HIVEP3: variants seen among roughly 807,000 people sequenced by gnomAD.
HIVEP3 encodes the protein HIVEP zinc finger 3.
In HIVEP3, 49 loss-of-function variants were observed where a neutral mutation model predicts 152.8. That is an observed-to-expected ratio of 0.32 (90% confidence interval 0.26 to 0.41). The LOEUF (loss-of-function observed/expected upper bound fraction) is 0.41, where lower values mean the gene tolerates loss of function less well. Among genes scored for constraint, HIVEP3 ranks in the 10% least tolerant of loss-of-function variants. HIVEP3 has a pLI of 1.00. For missense variants in HIVEP3, 2,790 were observed against 3,103.3 expected (o/e 0.90, Z 2.40); for synonymous variants, 1,269 against 1,289.0 (o/e 0.98, Z 0.33).
chr1:41,745,635 G>A (rs944939578), intron 1 of HIVEP3, among the ~76,000 whole-genome samples: 7 of 152,186 alleles, frequency 4.6e-5, no homozygotes, highest in Non-Finnish European at 8.8e-5. Context: ...GTCTTTCCTC[G>A]ACAGAGGGAG....
At position 41,585,249 on chromosome 1, in the gene HIVEP3, G is replaced by C. The variant is rs1281073044; in HGVS notation, c.-452C>G. ...CAAGAGATGCCACGCTGGATGCTGG[G>C]GGTGGCTCTTCTCCCCTTTAGTTCT... On this transcript the variant is annotated 5_prime_UTR_variant, in exon 4 of 9. Coordinates refer to ENST00000372583, the MANE Select transcript of HIVEP3 (RefSeq NM_024503.5). 2.5e-6 allele frequency: 1 copy of C among 399,154 alleles called. No individual in the cohort carries two copies. The highest frequency in any genetic ancestry group is 4.4e-6 in the Non-Finnish European group (1 of 226,214). The allele number at this position is 399,154 out of a possible 1,614,324, so 24.7% of individuals were successfully genotyped here. A position where few individuals can be genotyped will look rare whatever the true frequency, so the allele number is the denominator to read the frequency against.
intron 1 of HIVEP3, among the ~76,000 whole-genome samples, chr1:41,959,499 C>T (rs892978686): frequency 1.3e-5 from 2 of 152,200 alleles, no homozygotes; most frequent in Non-Finnish European, 2.9e-5. Flanking sequence ...CTGCTACTTA[C>T]CACACCATCC....
At position 41,662,294 on chromosome 1, in the gene HIVEP3, G is replaced by T. The variant is rs1194932424; in HGVS notation, c.-720-33347C>A. 1.4e-5 allele frequency: 2 copies of T among 145,456 alleles called. No homozygotes were observed. Among genetic ancestry groups the T allele is most frequent in the South Asian group, 2.1e-4 (1 of 4,796 alleles). The allele number at this position is 145,456 out of a possible 1,614,324, so 9.0% of individuals were successfully genotyped here. Reference sequence around the variant, plus strand: ...GGCGGTGCCCCAGGCGCTCGCTGGCGGCCCACGCGGCGCGGGGTGGGCGCG... The same window carrying T: ...GGCGGTGCCCCAGGCGCTCGCTGGCTGCCCACGCGGCGCGGGGTGGGCGCG... On this transcript the variant is annotated intron_variant, in intron 2 of 8. Coordinates refer to ENST00000372583, the MANE Select transcript of HIVEP3 (RefSeq NM_024503.5). This position sits in a 1 kb window ranked among gnomAD's most constrained non-coding sequence, Gnocchi z 7.2.
chr1:41,642,237 C>T lies in HIVEP3; in HGVS notation c.-720-13290G>A, dbSNP rs182818815. On this transcript the variant is annotated intron_variant, in intron 2 of 8. Coordinates refer to ENST00000372583, the MANE Select transcript of HIVEP3 (RefSeq NM_024503.5). ...GCTCTCACCAAGTCACTCCTCGCCCCAAATCCCAAATCCTTCAGTGGTTCT... is the reference window on the plus strand; with the variant it reads ...GCTCTCACCAAGTCACTCCTCGCCCTAAATCCCAAATCCTTCAGTGGTTCT... Among the ~76,000 whole-genome samples, 55 of 152,366 alleles carry T rather than the reference C, an allele frequency of 3.6e-4. 1 individual carries two copies. Among genetic ancestry groups the T allele is most frequent in the African/African-American group, 1.3e-3 (55 of 41,586 alleles).
chr1:41,816,511 AC>A (rs544427179), intron 1 of HIVEP3, among the ~76,000 whole-genome samples: 2,488 of 152,054 alleles, frequency 0.016, 38 homozygotes, highest in Non-Finnish European at 0.021. Context: ...ACATGGTGAA[AC>A]CCCATCTCTA....
intron 2 of HIVEP3, among the ~76,000 whole-genome samples, chr1:41,678,855 G>A (rs1189673439): frequency 6.6e-6 from 1 of 152,236 alleles, no homozygotes; most frequent in Non-Finnish European, 1.5e-5. Flanking sequence ...GGAGCCTTAA[G>A]CACACTTTCA....
At chr1:41,549,355 G>A (rs1236614100) in intron 5 of HIVEP3, among the ~76,000 whole-genome samples, 2 of 152,200 alleles carry the variant, frequency 1.3e-5, no homozygotes, top group Non-Finnish European at 2.9e-5. Context: ...TGTCTTTATA[G>A]TAGCATGATT....
At chr1:41,527,283 TCACATACAC>T (rs2149056298) in intron 5 of HIVEP3, among the ~76,000 whole-genome samples, 1 of 36,042 alleles carries the variant, frequency 2.8e-5, no homozygotes, top group East Asian at 4.1e-4. Context: ...TCACACACCC[TCACATACAC>T]CCTCACACCC....
intron 1 of HIVEP3, among the ~76,000 whole-genome samples, chr1:41,889,927 C>T (rs1354418301): frequency 1.3e-5 from 2 of 152,324 alleles, no homozygotes; most frequent in Non-Finnish European, 1.5e-5. Flanking sequence ...CCGGAATTAA[C>T]AATAATAGTT....
intron 2 of HIVEP3, among the ~76,000 whole-genome samples, chr1:41,658,718 G>A (rs919482380): frequency 4.6e-5 from 7 of 152,150 alleles, no homozygotes; most frequent in Non-Finnish European, 8.8e-5. Context: ...CCCATCCCCC[G>A]CTTGGCAGAT....
At chr1:42,014,023 C>G (rs963989641) in intron 1 of HIVEP3, among the ~76,000 whole-genome samples, 1 of 152,166 alleles carries the variant, frequency 6.6e-6, no homozygotes, top group African/African-American at 2.4e-5. Context: ...TTCATGTGCC[C>G]CTGGCATAAT....
chr1:41,677,294 A>C (rs1645971929), intron 2 of HIVEP3, among the ~76,000 whole-genome samples: 2 of 152,226 alleles, frequency 1.3e-5, no homozygotes, highest in African/African-American at 4.8e-5. Context: ...CACACGTATA[A>C]TCCGGTCTAA....
At chr1:41,861,673 C>T (rs991967665) in intron 1 of HIVEP3, among the ~76,000 whole-genome samples, 2 of 152,134 alleles carry the variant, frequency 1.3e-5, no homozygotes, top group African/African-American at 2.4e-5. Context: ...GCAAGGGAGG[C>T]AGAGATGAGA....
intron 1 of HIVEP3, among the ~76,000 whole-genome samples, chr1:41,988,179 A>T (rs1311841845): frequency 2.0e-5 from 3 of 152,228 alleles, no homozygotes; most frequent in Non-Finnish European, 4.4e-5. Flanking sequence ...TTTGGTAAAG[A>T]TTTCTTGGAT....
chr1:41,629,993 C>A (rs1645171189), intron 2 of HIVEP3, among the ~76,000 whole-genome samples: 1 of 152,212 alleles, frequency 6.6e-6, no homozygotes. Context: ...CACTCCAGCA[C>A]TATTCACAAT....
chr1:41,954,016 C>G (rs993241448), intron 1 of HIVEP3, among the ~76,000 whole-genome samples: 1 of 152,160 alleles, frequency 6.6e-6, no homozygotes, highest in African/African-American at 2.4e-5. Flanking sequence ...GTAACTGGTT[C>G]TCTACCCAGA....
At chr1:41,519,806 G>T (rs1213815973) in intron 6 of HIVEP3, among the ~76,000 whole-genome samples, 4 of 152,180 alleles carry the variant, frequency 2.6e-5, no homozygotes, top group Admixed American at 6.5e-5. Context: ...ATAAGGAGAT[G>T]AATAGGCAGA....
At chr1:42,023,387 T>C (rs1570898240) in intron 1 of HIVEP3, among the ~76,000 whole-genome samples, 1 of 152,220 alleles carries the variant, frequency 6.6e-6, no homozygotes, top group Admixed American at 6.5e-5. Context: ...TATTCTCTTA[T>C]ATTACCATTC....
At chr1:41,966,957 G>GC (rs753399185) in intron 1 of HIVEP3, among the ~76,000 whole-genome samples, 1 of 152,052 alleles carries the variant, frequency 6.6e-6, no homozygotes, top group African/African-American at 2.4e-5. Context: ...ACAAGGAAGG[G>GC]CATTACATAA....
Sources: gnomAD v4.1 joint callset for allele counts (sites outside exome capture counted in the v4.1 genomes callset) on GRCh38, gnomAD v4.1.1 for gene constraint, Gnocchi (gnomAD v3.1) non-coding constraint, MANE v1.5 for transcripts, NCBI Gene and HGNC (gene_info 2026-07-23, HGNC 2026-07-21) for gene names.